GUCY2C: variants seen among roughly 807,000 people sequenced by gnomAD.
GUCY2C encodes the protein guanylyl cyclase C.
A neutral mutation model predicts 131.1 loss-of-function variants in GUCY2C; 118 were observed. The ratio of observed to expected loss-of-function variants is 0.90; its 90% confidence interval spans 0.78 to 1.05. GUCY2C has a LOEUF of 1.05. Among genes scored for constraint, GUCY2C ranks in the 50% least tolerant of loss-of-function variants. The pLI, the probability that GUCY2C is intolerant of heterozygous loss-of-function variation, is 0.00. For missense variants in GUCY2C, 1,161 were observed against 1,304.4 expected (o/e 0.89, Z 1.69); for synonymous variants, 452 against 457.8 (o/e 0.99, Z 0.16).
intron 9 of GUCY2C, among the ~76,000 whole-genome samples, chr12:14,671,044 G>A (rs538048434): frequency 2.0e-5 from 3 of 151,744 alleles, no homozygotes; most frequent in East Asian, 4.0e-4. Context: ...ACCAGCCCCC[G>A]TGATTCAATT....
intron 13 of GUCY2C, 77 bp downstream of exon 13, chr12:14,652,875 C>T: frequency 3.2e-6 from 3 of 925,526 alleles, no homozygotes; most frequent in South Asian, 1.3e-5. Flanking sequence ...ATACTGACAT[C>T]AGGGGCCAGG....
intron 15 of GUCY2C, 151 bp downstream of exon 15, chr12:14,651,256 G>GA: frequency 2.0e-6 from 1 of 501,114 alleles, no homozygotes; most frequent in Non-Finnish European, 3.5e-6. Context: ...TAATAAGACT[G>GA]AAAAAATCTC....
intron 21 of GUCY2C, among the ~76,000 whole-genome samples, chr12:14,623,018 G>GAT (rs2136984761): frequency 6.6e-6 from 1 of 152,262 alleles, no homozygotes; most frequent in African/African-American, 2.4e-5. Context: ...ACTTTGTAGT[G>GAT]GCCCTCAGTA....
chr12:14,658,715 T>C (rs1230034254), intron 11 of GUCY2C, among the ~76,000 whole-genome samples: 1 of 152,068 alleles, frequency 6.6e-6, no homozygotes, highest in African/African-American at 2.4e-5. Flanking sequence ...TTTTTATTAA[T>C]TTATTCTAAG....
intron 16 of GUCY2C, 80 bp downstream of exon 16, chr12:14,645,149 T>A: frequency 1.3e-6 from 1 of 768,576 alleles, no homozygotes; most frequent in South Asian, 1.6e-5. Context: ...AAGAAACCAA[T>A]GCACAGAAGG....
chr12:14,661,820 C>G (rs893635996), intron 10 of GUCY2C, among the ~76,000 whole-genome samples: 6 of 152,140 alleles, frequency 3.9e-5, no homozygotes, highest in African/African-American at 1.4e-4. Context: ...CATGCTGGTT[C>G]TTTCCAAGCT....
chr12:14,655,700 T>A (rs1168896818), intron 12 of GUCY2C, among the ~76,000 whole-genome samples: 1 of 152,154 alleles, frequency 6.6e-6, no homozygotes, highest in African/African-American at 2.4e-5. Flanking sequence ...CGCTTTGGTA[T>A]AAAAACTAGG....
chr12:14,685,782 A>G (rs573896518), intron 3 of GUCY2C, among the ~76,000 whole-genome samples: 1 of 152,300 alleles, frequency 6.6e-6, no homozygotes, highest in Admixed American at 6.5e-5. Context: ...ACAGAACCCT[A>G]CTAGTACCCT....
At chr12:14,654,159 C>A (rs1316749325) in intron 12 of GUCY2C, among the ~76,000 whole-genome samples, 1 of 152,180 alleles carries the variant, frequency 6.6e-6, no homozygotes, top group Non-Finnish European at 1.5e-5. Flanking sequence ...TACTCTATCC[C>A]TTTGACTTGC....
Position 14,672,894 on chromosome 12 carries a change from A to G in GUCY2C, c.1149T>C (p.Tyr383=). ...GDVDSTMVLL[Y]TSVDTKKYKV... The stretch of plus-strand genomic sequence containing the variant: ...ATACTTTCTTGGTGTCCACAGAGGT[A>G]TACAGAAGCACCATGGTACTGTCAA... The change falls in exon 9 of 27, where the codon TAT becomes TAC. Residue 383 remains tyrosine, a synonymous_variant. Coordinates refer to ENST00000261170, the MANE Select transcript of GUCY2C (RefSeq NM_004963.4). 6.2e-7 allele frequency: 1 copy of G among 1,603,228 alleles called. No individual in the cohort carries two copies. The highest frequency in any genetic ancestry group is 8.5e-7 in the Non-Finnish European group (1 of 1,170,118).
chr12:14,635,172 C>T (rs1419325466), intron 19 of GUCY2C, among the ~76,000 whole-genome samples: 1 of 152,158 alleles, frequency 6.6e-6, no homozygotes, highest in South Asian at 2.1e-4. Flanking sequence ...TTCCTGTGAT[C>T]AGCACATGGA....
At chr12:14,667,370 A>C (rs1660515600) in intron 10 of GUCY2C, among the ~76,000 whole-genome samples, 1 of 152,366 alleles carries the variant, frequency 6.6e-6, no homozygotes, top group East Asian at 1.9e-4. Flanking sequence ...TTATTAAATA[A>C]AACTCGACTT....
intron 2 of GUCY2C, among the ~76,000 whole-genome samples, chr12:14,687,182 A>G (rs962326426): frequency 6.6e-6 from 1 of 152,204 alleles, no homozygotes; most frequent in Non-Finnish European, 1.5e-5. Context: ...CGCTTAAGCA[A>G]TTAACTATGA....
At chr12:14,692,987 A>G (rs557903672) in intron 1 of GUCY2C, among the ~76,000 whole-genome samples, 9 of 152,234 alleles carry the variant, frequency 5.9e-5, no homozygotes, top group East Asian at 1.9e-4. Flanking sequence ...TGGTGGGGGT[A>G]ATGTCTTCCC....
chr12:14,646,038 G>A (rs564853122), intron 15 of GUCY2C, among the ~76,000 whole-genome samples: 16 of 152,092 alleles, frequency 1.1e-4, no homozygotes, highest in East Asian at 5.8e-4. Context: ...GTTTCGCTAC[G>A]TTGGCCAGGC....
intron 8 of GUCY2C, among the ~76,000 whole-genome samples, chr12:14,673,688 T>G (rs1190096319): frequency 6.6e-6 from 1 of 152,184 alleles, no homozygotes; most frequent in African/African-American, 2.4e-5. Context: ...AACAAACATT[T>G]GTTTGTTTCC....
At position 14,614,883 on chromosome 12, in the gene GUCY2C, G is replaced by A; in HGVS notation, c.3031C>T (p.Pro1011Ser). Residue 1011 changes from proline to serine, a missense_variant, in exon 26 of 27, where the codon CCA becomes TCA. By Grantham distance (74) the Pro-to-Ser change is moderately conservative (BLOSUM62 -1). Coordinates refer to ENST00000261170, the MANE Select transcript of GUCY2C (RefSeq NM_004963.4). ...TGMKDQKFNL[P>S]TPPTVENQQR... ...GAAGCTTACACAGTAGGAGGGGTTGGCAGGTTGAATTTCTGGTCCTTCATC... is the reference window on the plus strand; with the variant it reads ...GAAGCTTACACAGTAGGAGGGGTTGACAGGTTGAATTTCTGGTCCTTCATC... 6.3e-7 allele frequency: 1 copy of A among 1,586,572 alleles called. No individual in the cohort carries two copies. Among genetic ancestry groups the A allele is most frequent in the Non-Finnish European group, 8.6e-7 (1 of 1,167,812 alleles).
intron 5 of GUCY2C, 134 bp downstream of exon 5, chr12:14,681,222 C>G: frequency 1.4e-6 from 1 of 729,644 alleles, no homozygotes; most frequent in Non-Finnish European, 2.2e-6. Flanking sequence ...AATTATAGAT[C>G]TCCCAAAATA....
intron 19 of GUCY2C, among the ~76,000 whole-genome samples, chr12:14,630,003 G>A (rs1182276355): frequency 6.6e-6 from 1 of 152,026 alleles, no homozygotes; most frequent in Non-Finnish European, 1.5e-5. Context: ...CACAGCTGCA[G>A]TAGAGAAGTG....
Sources: allele counts gnomAD v4.1 joint callset (sites outside exome capture counted in the v4.1 genomes callset), GRCh38; gene constraint gnomAD v4.1.1; transcripts MANE v1.5; gene names NCBI Gene and HGNC (gene_info 2026-07-23, HGNC 2026-07-21).